The following ARSG variants were observed in gnomAD, a reference collection of about 807,000 sequenced individuals.
The protein encoded by ARSG is ASG.
ARSG carries 37 observed loss-of-function variants against 50.5 expected under a neutral mutation model. That is an observed-to-expected ratio of 0.73 (90% confidence interval 0.56 to 0.96). ARSG has a LOEUF of 0.96. Ranked by LOEUF, ARSG falls within the 50% of genes least tolerant of loss-of-function variation. ARSG has a pLI of 0.00. For missense variants in ARSG, 629 were observed against 675.3 expected (o/e 0.93, Z 0.76); for synonymous variants, 225 against 254.6 (o/e 0.88, Z 1.11).
intron 2 of ARSG, among the ~76,000 whole-genome samples, chr17:68,336,642 C>T (rs1387434937): frequency 6.6e-6 from 1 of 152,134 alleles, no homozygotes; most frequent in African/African-American, 2.4e-5. Context: ...CACTTGAGGC[C>T]AGGAATTTGA....
intron 1 of ARSG, among the ~76,000 whole-genome samples, chr17:68,306,068 T>C (rs2076595480): frequency 6.6e-6 from 1 of 151,878 alleles, no homozygotes; most frequent in Non-Finnish European, 1.5e-5. Context: ...AGTGGTGCGA[T>C]CTCAGCTCGC....
At chr17:68,428,778 T>C in the ARSG span, 1 of 1,439,698 alleles carries the variant, frequency 6.9e-7, no homozygotes, top group Non-Finnish European at 9.8e-7. Flanking sequence ...AAGGGACAAC[T>C]CTACACGACC....
chr17:68,445,876 C>A, the ARSG span, among the ~76,000 whole-genome samples: 3 of 152,144 alleles, frequency 2.0e-5, no homozygotes, highest in African/African-American at 7.2e-5. Context: ...ACCTGGATGC[C>A]CAAGGAGCTG....
downstream of ARSG, among the ~76,000 whole-genome samples, chr17:68,422,907 C>T (rs1483595031): frequency 1.3e-5 from 2 of 152,072 alleles, no homozygotes; most frequent in East Asian, 3.9e-4. Flanking sequence ...TTCTAAGGCA[C>T]CAGAAATGAT....
intron 4 of ARSG, 27 bp from the exon 5 acceptor site, chr17:68,351,548 G>A (rs374793290): frequency 2.2e-6 from 3 of 1,340,098 alleles, no homozygotes; most frequent in South Asian, 2.3e-5. Context: ...GCCACGTGGG[G>A]GTGCTAACCG....
At chr17:68,443,767 C>A in the ARSG span, among the ~76,000 whole-genome samples, 1 of 152,126 alleles carries the variant, frequency 6.6e-6, no homozygotes, top group Non-Finnish European at 1.5e-5. Context: ...TTCAATGATA[C>A]CAAACTGAAA....
intron 11 of ARSG, among the ~76,000 whole-genome samples, chr17:68,406,659 G>GT (rs2081736449): frequency 6.6e-6 from 1 of 152,044 alleles, no homozygotes; most frequent in African/African-American, 2.4e-5. Flanking sequence ...TTTCATGTTT[G>GT]TTGGCCATTT....
the ARSG span, chr17:68,450,603 G>C: frequency 7.8e-7 from 1 of 1,280,678 alleles, no homozygotes; most frequent in Non-Finnish European, 1.1e-6. Flanking sequence ...CACGGGGCCT[G>C]AGTGTTAACA....
Position 68,358,759 on chromosome 17 carries a change from C to T in ARSG, c.704+1955C>T, listed in dbSNP as rs186906129. 3.9e-5 allele frequency among the ~76,000 whole-genome samples: 6 copies of T among 152,034 alleles called. No homozygotes were observed. The East Asian group carries it at 9.7e-4, about 25-fold the overall frequency. On this transcript the variant is annotated intron_variant, in intron 6 of 11. Coordinates refer to ENST00000621439, the MANE Select transcript of ARSG (RefSeq NM_001267727.2). ...TGTGAATCTGTAGTGCCAGCTAACT[C>T]GGGTGGCTGAACTGGGAGAATCACT...
intron 1 of ARSG, among the ~76,000 whole-genome samples, chr17:68,261,639 A>G (rs782753144): frequency 1.3e-5 from 2 of 152,138 alleles, no homozygotes; most frequent in Non-Finnish European, 2.9e-5. Context: ...TTAGCCTCCC[A>G]AAGTGGATGC....
At chr17:68,302,854 G>A (rs528121862) in intron 1 of ARSG, among the ~76,000 whole-genome samples, 4 of 152,286 alleles carry the variant, frequency 2.6e-5, no homozygotes, top group South Asian at 2.1e-4. Flanking sequence ...ATGGGCCTTC[G>A]TTGTGGGATT....
chr17:68,266,916 C>T (rs1456198277), intron 1 of ARSG: 2 of 152,166 alleles, frequency 1.3e-5, no homozygotes, highest in East Asian at 1.9e-4. Context: ...AGAAGATAAA[C>T]GTTAAAAAAT....
chr17:68,402,859 GA>G (rs1271831874), intron 11 of ARSG, among the ~76,000 whole-genome samples: 1 of 152,118 alleles, frequency 6.6e-6, no homozygotes, highest in African/African-American at 2.4e-5. Context: ...TCTAAATTTG[GA>G]ACTCTTTCAG....
chr17:68,435,788 T>C, the ARSG span: 1 of 1,346,742 alleles, frequency 7.4e-7, no homozygotes, highest in Non-Finnish European at 1.1e-6. Context: ...CCCCTTCCTC[T>C]TTTCTCCTTT....
intron 11 of ARSG, among the ~76,000 whole-genome samples, chr17:68,417,600 G>A (rs1365893572): frequency 6.6e-6 from 1 of 152,030 alleles, no homozygotes; most frequent in Admixed American, 6.6e-5. Flanking sequence ...GGTTCTTGCA[G>A]AGGTTTCTGC....
rs1399622369 is a variant in ARSG at position 68,395,178 on chromosome 17, A to G, written c.1197A>G (p.Ser399=). Residue 399 remains serine, a synonymous_variant, in exon 10 of 12, where the codon TCA becomes TCG. Transcript: ENST00000621439. ...VDVSEVLFGR[S]QPGHRVLFHP... is the part of the protein sequence containing the mutation. Reference sequence around the variant, plus strand: ...TCTCCGAGGTGCTCTTTGGCCGGTCACAGCCTGGGCACAGGGTAAGTGGAG... The same window carrying G: ...TCTCCGAGGTGCTCTTTGGCCGGTCGCAGCCTGGGCACAGGGTAAGTGGAG... The G allele has an allele frequency of 7.4e-6, 12 of 1,613,934 alleles. No homozygotes were observed. Among genetic ancestry groups the G allele is most frequent in the Non-Finnish European group, 8.5e-6 (10 of 1,179,936 alleles).
chr17:68,433,270 G>A, the ARSG span, among the ~76,000 whole-genome samples: 5 of 152,254 alleles, frequency 3.3e-5, no homozygotes, highest in South Asian at 2.1e-4. Flanking sequence ...GTGAACTCAC[G>A]TGGGTGGCTC....
chr17:68,307,340 T>G lies in ARSG; in HGVS notation c.-154T>G. ...CCAACATTCCTATAGCCGTTATCAC[T>G]GCCATCACCACTGCCACCAGCATCT... is the stretch of plus-strand genomic sequence containing the variant. On this transcript the variant is annotated 5_prime_UTR_variant, in exon 2 of 12. Transcript: ENST00000621439. 1.6e-6 allele frequency: 1 copy of G among 629,560 alleles called. No individual in the cohort carries two copies. Among genetic ancestry groups the G allele is most frequent in the South Asian group, 2.0e-5 (1 of 50,458 alleles). The allele number at this position is 629,560 out of a possible 1,614,324, so 39.0% of individuals were successfully genotyped here. A position where few individuals can be genotyped will look rare whatever the true frequency, so the allele number is the denominator to read the frequency against.
downstream of ARSG, chr17:68,422,151 G>T: frequency 4.1e-6 from 1 of 243,746 alleles, no homozygotes; most frequent in Non-Finnish European, 8.2e-6. Context: ...GTTTAGGCTG[G>T]GCGCGGTGGC....
Sources: allele counts gnomAD v4.1 joint callset (sites outside exome capture counted in the v4.1 genomes callset), GRCh38; gene constraint gnomAD v4.1.1; transcripts MANE v1.5; gene names NCBI Gene and HGNC (gene_info 2026-07-23, HGNC 2026-07-21).